The following SLC25A26 variants were observed in gnomAD, a reference collection of about 807,000 sequenced individuals.
SLC25A26 encodes the protein solute carrier family 25 member 26.
A neutral mutation model predicts 37.8 loss-of-function variants in SLC25A26; 36 were observed. The ratio of observed to expected loss-of-function variants is 0.95; its 90% CI spans 0.73 to 1.26. The LOEUF is 1.26. SLC25A26 is among the 50% of genes most tolerant of loss of function. The probability of loss-of-function intolerance (pLI) is 0.00; values close to 1 mark genes in which losing one functional copy is unlikely to be tolerated. For missense variants in SLC25A26, 390 were observed against 331.1 expected (o/e 1.18, Z -1.38); for synonymous variants, 129 against 122.5 (o/e 1.05, Z -0.35).
chr3:66,348,250 A>G (rs2107747139), intron 6 of SLC25A26, among the ~76,000 whole-genome samples: 1 of 152,300 alleles, frequency 6.6e-6, no homozygotes, highest in African/African-American at 2.4e-5. Flanking sequence ...GCCATGATAT[A>G]AATTGTGTGG....
At chr3:66,141,261 A>G (rs1487264941) in intron 1 of SLC25A26, among the ~76,000 whole-genome samples, 1 of 151,050 alleles carries the variant, frequency 6.6e-6, no homozygotes, top group Non-Finnish European at 1.5e-5. Flanking sequence ...ATAATTACCA[A>G]ATATTTTTTT....
In SLC25A26 at chr3:66,270,223, A is replaced by T. The variant is rs1456912645; in HGVS notation, c.453+6844A>T. On this transcript the variant is annotated intron_variant, in intron 5 of 9. Coordinates refer to ENST00000354883, the MANE Select transcript of SLC25A26 (RefSeq NM_001379210.1). ...TAAACCTTGAAAAAGTAGTTTTTAT[A>T]AGTCTGGTTTTATTGGAAAAGCAGT... Among the ~76,000 whole-genome samples the T allele has an allele frequency of 2.6e-5, 4 of 152,152 alleles. No homozygotes were observed. In the East Asian group the frequency reaches 7.7e-4, roughly 29 times the overall value.
intron 5 of SLC25A26, among the ~76,000 whole-genome samples, chr3:66,343,258 T>C (rs1229745210): frequency 6.6e-6 from 1 of 152,260 alleles, no homozygotes; most frequent in Non-Finnish European, 1.5e-5. Flanking sequence ...TTATTGTTTG[T>C]TCATATTGTA....
chr3:66,320,942 T>TC (rs779495059), intron 5 of SLC25A26, among the ~76,000 whole-genome samples: 1 of 152,182 alleles, frequency 6.6e-6, no homozygotes, highest in South Asian at 2.1e-4. Context: ...ATATTTGTGT[T>TC]CCCCCAAAAT....
At chr3:66,148,109 A>T (rs778495849) in intron 1 of SLC25A26, among the ~76,000 whole-genome samples, 5 of 152,126 alleles carry the variant, frequency 3.3e-5, no homozygotes, top group Non-Finnish European at 7.3e-5. Context: ...GTGGTATGTC[A>T]CTGTGGTTTT....
intron 5 of SLC25A26, among the ~76,000 whole-genome samples, chr3:66,281,996 A>ATTTTTTTTTTTTT (rs71105977): frequency 1.6e-5 from 1 of 64,476 alleles, no homozygotes; most frequent in Admixed American, 2.0e-4. Context: ...CTGATTTTGC[A>ATTTTTTTTTTTTT]TTTTTTTTTT....
chr3:66,220,410 G>A (rs551948103), upstream of SLC25A26, among the ~76,000 whole-genome samples: 154 of 152,256 alleles, frequency 1.0e-3, no homozygotes, highest in South Asian at 3.5e-3. Context: ...GTGCTTTGAG[G>A]TGTACACATG....
At chr3:66,198,582 C>A (rs1318302172) in intron 1 of SLC25A26, among the ~76,000 whole-genome samples, 1 of 151,814 alleles carries the variant, frequency 6.6e-6, no homozygotes, top group Admixed American at 6.6e-5. Context: ...CACCCACACC[C>A]TCTACATTAC....
rs561722197 is a variant in SLC25A26, at chr3:66,221,145, G to A, written c.33+18G>A. On this transcript the variant is annotated intron_variant, in intron 1 of 9. Coordinates refer to ENST00000354883, the MANE Select transcript of SLC25A26 (RefSeq NM_001379210.1). Reference sequence around the variant, plus strand: ...CGCTGGTGGTGAGTGCGGGGCGGTGGGGTGGGTTGCTCAGAGTGCCGGCGT... The same window carrying A: ...CGCTGGTGGTGAGTGCGGGGCGGTGAGGTGGGTTGCTCAGAGTGCCGGCGT... The A allele has an allele frequency of 1.3e-6, 2 of 1,511,526 alleles. No homozygotes were observed. Among genetic ancestry groups the A allele is most frequent in the Non-Finnish European group, 8.8e-7 (1 of 1,137,158 alleles). 93.6% of individuals were successfully genotyped at this position (1,511,526 alleles called of 1,614,324 possible).
At position 66,215,270 on chromosome 3, in the gene SLC25A26, C is replaced by T. The variant is rs982120337; in HGVS notation, c.-353-5472C>T. ...AGGCTGGAATGCAGTGTCATGAATA[C>T]GGTTCACTACAGCCTTGACCTCTTA... On this transcript the variant is annotated intron_variant, in intron 1 of 10. Coordinates refer to the SLC25A26 transcript ENST00000676754. Among the ~76,000 whole-genome samples, 13 of 152,160 alleles carry T rather than the reference C, an allele frequency of 8.5e-5. No individual in the cohort carries two copies. In the East Asian group the frequency reaches 1.2e-3, roughly 14 times the overall value.
In SLC25A26 at chr3:66,180,211, C is replaced by T. The variant is rs543913016; in HGVS notation, c.-353-40531C>T. Among the ~76,000 whole-genome samples, 5 of 152,276 alleles carry T rather than the reference C, an allele frequency of 3.3e-5. No individual in the cohort carries two copies. The East Asian group carries it at 5.8e-4, about 18-fold the overall frequency. On this transcript the variant is annotated intron_variant, in intron 1 of 10. Transcript: ENST00000676754. ...GTTATGAGCAGACCTAAACAGAAAA[C>T]ACTACGGGGATACAACCACAATTTA...
intron 5 of SLC25A26, among the ~76,000 whole-genome samples, chr3:66,289,317 C>T (rs1037014778): frequency 6.6e-6 from 1 of 152,142 alleles, no homozygotes; most frequent in South Asian, 2.1e-4. Context: ...TGCAGAAGCT[C>T]TTTAGTTTAA....
At chr3:66,313,930 T>C (rs1457511651) in intron 5 of SLC25A26, among the ~76,000 whole-genome samples, 2 of 152,158 alleles carry the variant, frequency 1.3e-5, no homozygotes, top group Admixed American at 6.5e-5. Context: ...TTGCCTGTAG[T>C]TCGTGTATAG....
chr3:66,222,243 C>T (rs2071531992), intron 1 of SLC25A26, among the ~76,000 whole-genome samples: 1 of 150,532 alleles, frequency 6.6e-6, no homozygotes, highest in African/African-American at 2.5e-5. Context: ...TGTGGTGGCG[C>T]CATCTCGGCT....
intron 5 of SLC25A26, among the ~76,000 whole-genome samples, chr3:66,268,736 C>T (rs140385774): frequency 5.3e-5 from 8 of 152,306 alleles, no homozygotes; most frequent in Non-Finnish European, 8.8e-5. Context: ...GTAATCCCCA[C>T]GTGGCAGGGG....
chr3:66,144,228 C>A (rs2070081576), intron 1 of SLC25A26, among the ~76,000 whole-genome samples: 1 of 152,116 alleles, frequency 6.6e-6, no homozygotes, highest in Admixed American at 6.5e-5. Flanking sequence ...TGAGCCAAGA[C>A]TGCAAGCCTG....
In SLC25A26 at chr3:66,374,453, T is replaced by C. The variant is rs542215064; in HGVS notation, c.708-3237T>C. On this transcript the variant is annotated intron_variant, in intron 9 of 9. Coordinates refer to ENST00000354883, the MANE Select transcript of SLC25A26 (RefSeq NM_001379210.1). ...ATGTGGTGTGGGTTCGGGCTGTGTC[T>C]CCAACCAGCCATTCCCTCTCTCTCT... Among the ~76,000 whole-genome samples, 6 of 152,320 alleles carry C rather than the reference T, an allele frequency of 3.9e-5. No homozygotes were observed. The South Asian group carries it at 1.2e-3, about 32-fold the overall frequency.
At chr3:66,250,511 G>T (rs1183956421) in intron 3 of SLC25A26, among the ~76,000 whole-genome samples, 1 of 152,236 alleles carries the variant, frequency 6.6e-6, no homozygotes. Flanking sequence ...AGTGATAGGT[G>T]ATAAGATGCT....
chr3:66,196,871 A>AT (rs1333229894), intron 1 of SLC25A26, among the ~76,000 whole-genome samples: 2 of 152,144 alleles, frequency 1.3e-5, no homozygotes, highest in Non-Finnish European at 2.9e-5. Context: ...CATCTGGGTC[A>AT]TTTTTTAATA....
Sources: gnomAD v4.1 joint callset for allele counts (sites outside exome capture counted in the v4.1 genomes callset) on GRCh38, gnomAD v4.1.1 for gene constraint, MANE v1.5 for transcripts, NCBI Gene and HGNC (gene_info 2026-07-23, HGNC 2026-07-21) for gene names.